The following TPM3 variants were observed in gnomAD, a reference collection of about 807,000 sequenced individuals.
TPM3 encodes tropomyosin 3, also known as tropomyosin alpha-3 chain.
In TPM3, 16 loss-of-function variants were observed where a neutral mutation model predicts 43.1. The observed-to-expected ratio is 0.37, with a 90% CI of 0.25 to 0.56. The LOEUF is 0.56. TPM3 is among the 20% of genes least tolerant of loss of function. The probability of loss-of-function intolerance (pLI) is 0.77; values close to 1 mark genes in which losing one functional copy is unlikely to be tolerated. For synonymous variants in TPM3, 101 were observed against 116.9 expected (o/e 0.86, Z 0.88); for missense variants, 176 against 337.2 (o/e 0.52, Z 3.74).
chr1:154,169,585 C>T, intron 8 of TPM3: 1 of 613,742 alleles, frequency 1.6e-6, no homozygotes. Flanking sequence ...TTTCTTGATA[C>T]TCCAAATCGA....
chr1:154,184,296 C>G lies in TPM3; in HGVS notation c.243+6890G>C, dbSNP rs187030188. ...TCGTGATCTGCCGGCCTCGGCCTCC[C>G]AAAGTGCTGGGATTACAGGTCCCTG... On this transcript the variant is annotated intron_variant, in intron 2 of 9. Coordinates refer to ENST00000651641, the MANE Select transcript of TPM3 (RefSeq NM_152263.4). 3.3e-5 allele frequency among the ~76,000 whole-genome samples: 5 copies of G among 152,256 alleles called. No homozygotes were observed. In the East Asian group the frequency reaches 9.7e-4, roughly 29 times the overall value.
chr1:154,189,620 C>T (rs1178742666), intron 2 of TPM3, among the ~76,000 whole-genome samples: 1 of 151,800 alleles, frequency 6.6e-6, no homozygotes, highest in Non-Finnish European at 1.5e-5. Context: ...ATGATGAAAC[C>T]CCGTCTCTAG....
At chr1:154,155,362 TTTATC>T (rs1475297940), downstream of TPM3, 12 of 387,072 alleles carry the variant, frequency 3.1e-5, no homozygotes, top group Admixed American at 4.3e-5. Flanking sequence ...TTGCACACTG[TTTATC>T]TTAACACCAC....
chr1:154,181,319 C>T (rs1571435726), intron 2 of TPM3, among the ~76,000 whole-genome samples: 1 of 152,134 alleles, frequency 6.6e-6, no homozygotes, highest in Non-Finnish European at 1.5e-5. Flanking sequence ...AATTACCATC[C>T]TTTTCTGAAA....
intron 5 of TPM3, chr1:154,171,705 T>A: frequency 1.6e-6 from 1 of 638,520 alleles, no homozygotes; most frequent in Non-Finnish European, 2.7e-6. Context: ...TCAAAAATGT[T>A]TGAATACTAA....
intron 3 of TPM3, among the ~76,000 whole-genome samples, chr1:154,174,169 C>T (rs1661940291): frequency 6.7e-6 from 1 of 150,250 alleles, no homozygotes; most frequent in African/African-American, 2.4e-5. Context: ...CCTGTCTGTA[C>T]TAGAAATACA....
intron 3 of TPM3, among the ~76,000 whole-genome samples, chr1:154,175,103 G>A (rs949722408): frequency 9.2e-5 from 14 of 152,008 alleles, no homozygotes; most frequent in African/African-American, 2.2e-4. Flanking sequence ...AGGCCGAGGC[G>A]GGAGGATCAC....
chr1:154,179,587 T>A (rs1662714803), intron 2 of TPM3, among the ~76,000 whole-genome samples: 1 of 152,126 alleles, frequency 6.6e-6, no homozygotes, highest in South Asian at 2.1e-4. Flanking sequence ...ACTCCCGCAG[T>A]TGACCCCTCA....
At chr1:154,175,596 C>G (rs1319992927) in intron 3 of TPM3, among the ~76,000 whole-genome samples, 3 of 152,118 alleles carry the variant, frequency 2.0e-5, no homozygotes, top group Non-Finnish European at 4.4e-5. Flanking sequence ...GAATTTTTAC[C>G]AAGTTCCCAA....
chr1:154,167,664 T>C lies in TPM3; in HGVS notation c.*273A>G. 7.5e-7 allele frequency: 1 copy of C among 1,331,530 alleles called. No homozygotes were observed. Among genetic ancestry groups the C allele is most frequent in the Non-Finnish European group, 9.7e-7 (1 of 1,033,246 alleles). 82.5% of individuals were successfully genotyped at this position (1,331,530 alleles called of 1,614,324 possible). On this transcript the variant is annotated 3_prime_UTR_variant, in exon 10 of 10. Transcript: ENST00000651641. ...CAGAGGAGGGGGAGCCTACAATAGC[T>C]CTTCCCCACATCACACCCCCAAGGC... is the stretch of plus-strand genomic sequence containing the variant.
At chr1:154,172,277 G>C (rs1405435481) in intron 5 of TPM3, 1 of 759,562 alleles carries the variant, frequency 1.3e-6, no homozygotes, top group South Asian at 1.4e-5. Flanking sequence ...GAATGTAAGA[G>C]GGAAGCACAA....
At chr1:154,169,404 C>G in intron 8 of TPM3, 21 bp from the exon 9 acceptor site, 1 of 1,613,710 alleles carries the variant, frequency 6.2e-7, no homozygotes, top group African/African-American at 1.3e-5. Context: ...ACAGGAACCA[C>G]AGGGAGGAAT....
intron 2 of TPM3, among the ~76,000 whole-genome samples, chr1:154,182,388 T>G (rs1331954334): frequency 6.6e-6 from 1 of 152,178 alleles, no homozygotes; most frequent in Non-Finnish European, 1.5e-5. Context: ...GGCGGTCCTG[T>G]GGCCTCGAGC....
rs777118586 is a variant in TPM3 at position 154,167,891 on chromosome 1, G to A, written c.*46C>T. On this transcript the variant is annotated 3_prime_UTR_variant, in exon 10 of 10. Coordinates refer to ENST00000651641, the MANE Select transcript of TPM3 (RefSeq NM_152263.4). ...GCGAGAGTGGGGCCTTGGGTTCCCC[G>A]AGGAGTAAAGGGGGCAGATCCAGAA... is the stretch of plus-strand genomic sequence containing the variant. The A allele has an allele frequency of 4.2e-5, 67 of 1,613,880 alleles. No homozygotes were observed. The highest frequency in any genetic ancestry group is 4.8e-5 in the Non-Finnish European group (57 of 1,179,944).
intron 8 of TPM3, chr1:154,169,789 T>G (rs12028949): frequency 7.0e-6 from 2 of 283,990 alleles, no homozygotes; most frequent in Non-Finnish European, 1.4e-5. Flanking sequence ...GTGAACCTAT[T>G]AGTGGCCCCT....
At chr1:154,184,832 T>A (rs1208961397) in intron 2 of TPM3, among the ~76,000 whole-genome samples, 1 of 152,010 alleles carries the variant, frequency 6.6e-6, no homozygotes, top group Admixed American at 6.6e-5. Context: ...GAAGATTTCT[T>A]GAGCCGGGAA....
Position 154,166,715 on chromosome 1 carries a change from T to C in TPM3, c.*1222A>G, listed in dbSNP as rs1661021242. The C allele has an allele frequency of 1.0e-6, 1 of 983,106 alleles. No individual in the cohort carries two copies. Among genetic ancestry groups the C allele is most frequent in the African/African-American group, 1.8e-5 (1 of 56,698 alleles). The allele number at this position is 983,106 out of a possible 1,614,324, so 60.9% of individuals were successfully genotyped here. On this transcript the variant is annotated 3_prime_UTR_variant, in exon 10 of 10. Coordinates refer to ENST00000651641, the MANE Select transcript of TPM3 (RefSeq NM_152263.4). The stretch of plus-strand genomic sequence containing the variant: ...TTTTTTTTTTTTGAGATGGAGTCTC[T>C]CTGTTGCCCAGGCTGGAATGCAGTG...
chr1:154,174,365 T>TGA (rs1428841306), intron 3 of TPM3, among the ~76,000 whole-genome samples: 8 of 35,542 alleles, frequency 2.3e-4, no homozygotes, highest in African/African-American at 1.0e-3. Context: ...TTTAAATATA[T>TGA]GTGTATATAT....
chr1:154,191,328 A>G lies in TPM3; in HGVS notation c.118-17T>C. The G allele has an allele frequency of 6.2e-7, 1 of 1,613,732 alleles. No homozygotes were observed. Among genetic ancestry groups the G allele is most frequent in the Admixed American group, 1.7e-5 (1 of 60,014 alleles). ...ATCCTCCAGCTATAGGAGCCCAGAG[A>G]GTCACACACAAAAACACACAAACAC... On this transcript the variant is annotated splice_polypyrimidine_tract_variant and intron_variant, in intron 1 of 9. Coordinates refer to ENST00000651641, the MANE Select transcript of TPM3 (RefSeq NM_152263.4).
Sources: allele counts gnomAD v4.1 joint callset (sites outside exome capture counted in the v4.1 genomes callset), GRCh38; gene constraint gnomAD v4.1.1; transcripts MANE v1.5; gene names NCBI Gene and HGNC (gene_info 2026-07-23, HGNC 2026-07-21).